ADGRB3: variants seen among roughly 807,000 people sequenced by gnomAD.
ADGRB3 encodes the protein brain-specific angiogenesis inhibitor 3.
In ADGRB3, 37 loss-of-function variants were observed where a neutral mutation model predicts 193.4. The ratio of observed to expected loss-of-function variants is 0.19; its 90% CI spans 0.15 to 0.25. ADGRB3 has a LOEUF of 0.25. ADGRB3 is among the 10% of genes least tolerant of loss of function. ADGRB3 has a pLI of 1.00. For synonymous variants in ADGRB3, 690 were observed against 644.2 expected (o/e 1.07, Z -1.08); for missense variants, 1,637 against 1,852.9 (o/e 0.88, Z 2.14).
intron 17 of ADGRB3, among the ~76,000 whole-genome samples, chr6:69,173,424 T>C (rs1775340476): frequency 6.6e-6 from 1 of 152,194 alleles, no homozygotes; most frequent in Non-Finnish European, 1.5e-5. Context: ...AGTGGTCTGA[T>C]TTGTGTATTC....
At chr6:69,201,525 G>T (rs1245415272) in intron 17 of ADGRB3, among the ~76,000 whole-genome samples, 6 of 151,698 alleles carry the variant, frequency 4.0e-5, no homozygotes, top group Admixed American at 2.0e-4. Flanking sequence ...TCCTAAAAGT[G>T]CACATGTTCT....
chr6:69,334,251 A>G (rs1768794389), intron 24 of ADGRB3, among the ~76,000 whole-genome samples: 1 of 152,002 alleles, frequency 6.6e-6, no homozygotes, highest in African/African-American at 2.4e-5. Flanking sequence ...TTGTGGTATT[A>G]TTTAATAGTC....
At chr6:69,064,464 T>C (rs1486218722) in intron 16 of ADGRB3, among the ~76,000 whole-genome samples, 1 of 152,080 alleles carries the variant, frequency 6.6e-6, no homozygotes, top group Non-Finnish European at 1.5e-5. Flanking sequence ...AGTTCTACAA[T>C]ATCTACCTCC....
At chr6:68,676,541 G>A (rs1012837407) in intron 3 of ADGRB3, among the ~76,000 whole-genome samples, 13 of 152,130 alleles carry the variant, frequency 8.5e-5, no homozygotes, top group Admixed American at 5.2e-4. Flanking sequence ...TTGCAATGAA[G>A]CTAATTCATA....
intron 3 of ADGRB3, among the ~76,000 whole-genome samples, chr6:68,859,533 T>C (rs1437166232): frequency 6.6e-6 from 1 of 152,206 alleles, no homozygotes; most frequent in Non-Finnish European, 1.5e-5. Flanking sequence ...TTGACATTGC[T>C]TGAGAGGCCT....
chr6:68,943,307 C>G (rs1323013818), intron 5 of ADGRB3, among the ~76,000 whole-genome samples: 2 of 152,012 alleles, frequency 1.3e-5, no homozygotes, highest in African/African-American at 4.8e-5. Context: ...AATCTATTTT[C>G]TAAAATGTGA....
intron 17 of ADGRB3, among the ~76,000 whole-genome samples, chr6:69,155,025 T>C (rs1177854875): frequency 6.6e-6 from 1 of 152,216 alleles, no homozygotes; most frequent in African/African-American, 2.4e-5. Context: ...GAAAATGCAT[T>C]TTGCCCACAT....
rs372668852 is a variant in ADGRB3 at position 68,667,249 on chromosome 6, T to C, written c.757+27817T>C. Among the ~76,000 whole-genome samples, 8 of 152,030 alleles carry C rather than the reference T, an allele frequency of 5.3e-5. No homozygotes were observed. In the East Asian group the frequency reaches 1.4e-3, roughly 26 times the overall value. The stretch of plus-strand genomic sequence containing the variant: ...TCCCATTACTTAAAAGGAAGGAACT[T>C]GTAAGATTTACAAGTGATTATTTGT... On this transcript the variant is annotated intron_variant, in intron 3 of 31. Coordinates refer to ENST00000370598, the MANE Select transcript of ADGRB3 (RefSeq NM_001704.3).
rs185768876 is a variant in ADGRB3, at chr6:68,657,125, A to G, written c.757+17693A>G. ...ATAGGCTTCCACTCTTACATCAATC[A>G]GACAAGCAGCCTAAAAATAAACACA... On this transcript the variant is annotated intron_variant, in intron 3 of 31. Coordinates refer to ENST00000370598, the MANE Select transcript of ADGRB3 (RefSeq NM_001704.3). Among the ~76,000 whole-genome samples, 233 of 151,584 alleles carry G rather than the reference A, an allele frequency of 1.5e-3. 4 individuals are homozygous for G. Among genetic ancestry groups the G allele is most frequent in the African/African-American group, 5.4e-3 (223 of 41,510 alleles).
At chr6:69,385,556 A>C (rs1208204688) in intron 31 of ADGRB3, among the ~76,000 whole-genome samples, 4 of 152,104 alleles carry the variant, frequency 2.6e-5, no homozygotes, top group African/African-American at 9.7e-5. Context: ...AGCTTCGTGC[A>C]CTTTGGCTTA....
intron 3 of ADGRB3, among the ~76,000 whole-genome samples, chr6:68,786,753 C>T (rs1417291245): frequency 6.6e-6 from 1 of 151,098 alleles, no homozygotes; most frequent in African/African-American, 2.4e-5. Context: ...GCAGTATGGC[C>T]ATTTTCACGA....
At chr6:69,308,576 A>G (rs1240370092) in intron 20 of ADGRB3, among the ~76,000 whole-genome samples, 2 of 151,734 alleles carry the variant, frequency 1.3e-5, no homozygotes, top group African/African-American at 4.8e-5. Flanking sequence ...TATTAATACC[A>G]AAGGTAATAT....
At chr6:68,923,064 A>G (rs1767087781) in intron 3 of ADGRB3, among the ~76,000 whole-genome samples, 1 of 152,174 alleles carries the variant, frequency 6.6e-6, no homozygotes, top group Non-Finnish European at 1.5e-5. Context: ...AGAAATTATA[A>G]ACGCTATATA....
intron 3 of ADGRB3, among the ~76,000 whole-genome samples, chr6:68,693,499 C>T (rs1204431829): frequency 6.6e-6 from 1 of 151,922 alleles, no homozygotes; most frequent in Admixed American, 6.6e-5. Context: ...TAAGGAAACT[C>T]AAGTTGAAAG....
At chr6:69,349,976 C>T (rs79646342) in intron 26 of ADGRB3, among the ~76,000 whole-genome samples, 4,597 of 152,222 alleles carry the variant, frequency 0.03, 220 homozygotes, top group African/African-American at 0.1. Context: ...ACTCTGGCAC[C>T]AGCTTCCACA....
At chr6:68,987,806 G>A (rs1769122708) in intron 10 of ADGRB3, among the ~76,000 whole-genome samples, 1 of 152,100 alleles carries the variant, frequency 6.6e-6, no homozygotes. Flanking sequence ...TATAAAACAT[G>A]TAGTCTCATG....
In ADGRB3 at chr6:68,944,003, A is replaced by G. The variant is rs756070524; in HGVS notation, c.1195+9A>G. 1 of 1,589,456 alleles carries G rather than the reference A, an allele frequency of 6.3e-7. No homozygotes were observed. The highest frequency in any genetic ancestry group is 8.6e-7 in the Non-Finnish European group (1 of 1,163,094). On this transcript the variant is annotated intron_variant, in intron 6 of 31. Transcript: ENST00000370598. ...TATTGCTCTTTGCCCAGGTGAGCCTATTCTGCATTTGGTTATGTTTGCATT... is the reference window on the plus strand; with the variant it reads ...TATTGCTCTTTGCCCAGGTGAGCCTGTTCTGCATTTGGTTATGTTTGCATT...
At chr6:69,377,816 T>A (rs1042224535) in intron 30 of ADGRB3, among the ~76,000 whole-genome samples, 6 of 152,076 alleles carry the variant, frequency 3.9e-5, no homozygotes, top group African/African-American at 1.4e-4. Flanking sequence ...TGTAAACAGT[T>A]TTTTCTAAGC....
At chr6:68,706,921 C>T (rs1765333964) in intron 3 of ADGRB3, among the ~76,000 whole-genome samples, 1 of 151,998 alleles carries the variant, frequency 6.6e-6, no homozygotes. Context: ...ACCATCCTGG[C>T]TAACACAGCG....
Sources: allele counts gnomAD v4.1 joint callset (sites outside exome capture counted in the v4.1 genomes callset), GRCh38; gene constraint gnomAD v4.1.1; transcripts MANE v1.5; gene names NCBI Gene and HGNC (gene_info 2026-07-23, HGNC 2026-07-21).